Variants in MIOS observed in about 807,000 individuals in gnomAD.
The protein encoded by MIOS is meiosis regulator for oocyte development.
A neutral mutation model predicts 96.9 loss-of-function variants in MIOS; 52 were observed. The ratio of observed to expected loss-of-function variants is 0.54; its 90% confidence interval spans 0.43 to 0.68. MIOS has a LOEUF of 0.68. Among genes scored for constraint, MIOS ranks in the 30% least tolerant of loss-of-function variants. MIOS has a pLI of 0.00. For synonymous variants in MIOS, 397 were observed against 359.5 expected (o/e 1.10, Z -1.18); for missense variants, 1,005 against 1,052.8 (o/e 0.95, Z 0.63).
intron 9 of MIOS, 46 bp from the exon 10 acceptor site, chr7:7,594,934 G>A (rs199986790): frequency 6.7e-7 from 1 of 1,495,804 alleles, no homozygotes; most frequent in Admixed American, 2.0e-5. Context: ...CTCTGGCCTA[G>A]CCAGGAGATT....
At chr7:7,568,256 C>T (rs1783221180) in intron 3 of MIOS, 133 bp downstream of exon 3, 1 of 152,108 alleles carries the variant, frequency 6.6e-6, no homozygotes, top group South Asian at 2.1e-4. Flanking sequence ...ATACTAACAT[C>T]TGTGTGATGT....
chr7:7,586,772 T>C (rs1783899468), intron 7 of MIOS, among the ~76,000 whole-genome samples: 1 of 152,200 alleles, frequency 6.6e-6, no homozygotes, highest in South Asian at 2.1e-4. Flanking sequence ...TGTTAGGACT[T>C]TATTTTTTAA....
chr7:7,592,510 C>T (rs993872968), intron 9 of MIOS, among the ~76,000 whole-genome samples: 1 of 152,098 alleles, frequency 6.6e-6, no homozygotes, highest in Non-Finnish European at 1.5e-5. Flanking sequence ...CACTTTATTT[C>T]TATTATTATT....
At chr7:7,584,348 C>T (rs373293794) in intron 6 of MIOS, among the ~76,000 whole-genome samples, 9 of 152,060 alleles carry the variant, frequency 5.9e-5, no homozygotes, top group African/African-American at 2.2e-4. Context: ...TTTGCTATAA[C>T]TTGAAAGGGT....
intron 11 of MIOS, among the ~76,000 whole-genome samples, chr7:7,599,575 G>A (rs544612483): frequency 6.6e-6 from 1 of 152,264 alleles, no homozygotes; most frequent in South Asian, 2.1e-4. Context: ...TGCAGACCAA[G>A]TGTAAAAAAC....
rs769718869 is a variant in MIOS at position 7,583,123 on chromosome 7, G to T, written c.1399G>T (p.Val467Leu). 2 of 1,606,852 alleles carry T rather than the reference G, an allele frequency of 1.2e-6. No individual in the cohort carries two copies. The highest frequency in any genetic ancestry group is 2.7e-5 in the African/African-American group (2 of 74,638). The part of the protein sequence containing the change: ...KSIVKSSLGM[V>L]ESSRHNWSGL... The stretch of plus-strand genomic sequence containing the variant: ...AAAATGTTTTCTGTTTTTAGGAATG[G>T]TGGAAAGCAGCAGACATAATTGGAG... The change falls in exon 6 of 13, where the codon GTG becomes TTG. Residue 467 changes from valine (V) to leucine (L), a missense_variant. Physicochemically the swap from Val to Leu is conservative, Grantham distance 32 (BLOSUM62 1). Transcript: ENST00000340080.
At chr7:7,597,510 ATATAT>A (rs1563041106) in intron 11 of MIOS, among the ~76,000 whole-genome samples, 4,073 of 57,560 alleles carry the variant, frequency 0.071, 881 homozygotes, top group African/African-American at 0.14. Context: ...ATATATATAT[ATATAT>A]ATGAAGGCAA....
chr7:7,583,811 T>G (rs1278611221), intron 6 of MIOS, among the ~76,000 whole-genome samples: 1 of 152,238 alleles, frequency 6.6e-6, no homozygotes, highest in Non-Finnish European at 1.5e-5. Flanking sequence ...ATGACACTTT[T>G]ATTTAGGCTA....
intron 8 of MIOS, among the ~76,000 whole-genome samples, 150 bp from the exon 9 acceptor site, chr7:7,589,249 TAGATGC>T (rs1243885572): frequency 6.6e-6 from 1 of 152,190 alleles, no homozygotes; most frequent in African/African-American, 2.4e-5. Flanking sequence ...AAATTTGTAA[TAGATGC>T]AGACTTCTTA....
At position 7,596,417 on chromosome 7, in the gene MIOS, C is replaced by T. The variant is rs1784205054; in HGVS notation, c.2357C>T (p.Ala786Val). 1.2e-6 allele frequency: 2 copies of T among 1,614,084 alleles called. No homozygotes were observed. The highest frequency in any genetic ancestry group is 2.2e-5 in the East Asian group (1 of 44,878). The stretch of plus-strand genomic sequence containing the variant: ...TGTCGAAAACCACTTCCTCGATGTG[C>T]GCTTTGTCTCATTAATATGGGAACA... Reference protein sequence around the residue: ...PGCRKPLPRCALCLINMGTPV... With the variant: ...PGCRKPLPRCVLCLINMGTPV... The change falls in exon 11 of 13, where the codon GCG (alanine) becomes GTG (valine). Residue 786 changes from alanine (A) to valine (V), a missense_variant. Ala to Val is a moderately conservative substitution (Grantham distance 64). Coordinates refer to ENST00000340080, the MANE Select transcript of MIOS (RefSeq NM_019005.4).
chr7:7,593,879 C>CA (rs35986278), intron 9 of MIOS, among the ~76,000 whole-genome samples: 1,077 of 47,174 alleles, frequency 0.023, 30 homozygotes, highest in Non-Finnish European at 0.032. Context: ...ACTCTGTCTC[C>CA]AAAAAAAAAA....
chr7:7,593,926 G>A (rs1029628487), intron 9 of MIOS, among the ~76,000 whole-genome samples: 17 of 144,024 alleles, frequency 1.2e-4, no homozygotes, highest in Admixed American at 1.0e-3. Flanking sequence ...AAAACCTAAA[G>A]CAAGCATAGA....
intron 5 of MIOS, among the ~76,000 whole-genome samples, chr7:7,575,987 T>A (rs1195115846): frequency 1.3e-5 from 2 of 152,190 alleles, no homozygotes; most frequent in African/African-American, 4.8e-5. Flanking sequence ...TTCTGTTTTA[T>A]TTGGCCATAC....
intron 5 of MIOS, among the ~76,000 whole-genome samples, chr7:7,575,613 T>G (rs2115364490): frequency 6.6e-6 from 1 of 152,272 alleles, no homozygotes; most frequent in African/African-American, 2.4e-5. Context: ...ATTTATAGTG[T>G]TTTAGCTATA....
At chr7:7,579,416 A>G (rs1783640707) in intron 5 of MIOS, among the ~76,000 whole-genome samples, 1 of 152,218 alleles carries the variant, frequency 6.6e-6, no homozygotes, top group African/African-American at 2.4e-5. Flanking sequence ...CGTTTCTGTT[A>G]ACAATCGACT....
intron 11 of MIOS, among the ~76,000 whole-genome samples, chr7:7,597,331 T>A (rs1784232597): frequency 7.0e-6 from 1 of 143,200 alleles, no homozygotes. Flanking sequence ...GTCCTAAATT[T>A]AAAAAAAAAA....
intron 9 of MIOS, among the ~76,000 whole-genome samples, chr7:7,590,847 T>C (rs1309145129): frequency 6.6e-6 from 1 of 152,208 alleles, no homozygotes; most frequent in East Asian, 1.9e-4. Context: ...CTTTCTACTT[T>C]ACCCTTTCTT....
At position 7,584,997 on chromosome 7, in the gene MIOS, A is replaced by G. The variant is rs143261556; in HGVS notation, c.1649-639A>G. ...GAAAAATTGTAAGTGTAATACTGTA[A>G]TTAAAGTATTGAAATATTACTTTCT... is the stretch of plus-strand genomic sequence containing the variant. On this transcript the variant is annotated intron_variant, in intron 6 of 12. Coordinates refer to ENST00000340080, the MANE Select transcript of MIOS (RefSeq NM_019005.4). Among the ~76,000 whole-genome samples, 558 of 152,310 alleles carry G rather than the reference A, an allele frequency of 3.7e-3. 3 individuals carry two copies. The highest frequency in any genetic ancestry group is 6.1e-3 in the Non-Finnish European group (413 of 67,996).
chr7:7,567,924 TAAA>T (rs1341574748), intron 2 of MIOS, 99 bp from the exon 3 acceptor site: 1 of 152,230 alleles, frequency 6.6e-6, no homozygotes, highest in Non-Finnish European at 1.5e-5. Context: ...GTTGGCTAAA[TAAA>T]ATGTGTTTTT....
Sources: gnomAD v4.1 joint callset for allele counts (sites outside exome capture counted in the v4.1 genomes callset) on GRCh38, gnomAD v4.1.1 for gene constraint, MANE v1.5 for transcripts, NCBI Gene and HGNC (gene_info 2026-07-23, HGNC 2026-07-21) for gene names.